Variants in RXRG observed in about 807,000 individuals in gnomAD.
RXRG encodes the protein retinoid X receptor gamma.
RXRG carries 19 observed loss-of-function variants against 49.2 expected under a neutral mutation model. That is an observed-to-expected ratio of 0.39 (90% CI 0.27 to 0.57). The LOEUF (loss-of-function observed/expected upper bound fraction) is 0.57. Ranked by LOEUF, RXRG falls within the 20% of genes least tolerant of loss-of-function variation. RXRG has a pLI of 0.64. For missense variants in RXRG, 452 were observed against 592.5 expected (o/e 0.76, Z 2.46); for synonymous variants, 224 against 216.6 (o/e 1.03, Z -0.30).
intron 1 of RXRG, among the ~76,000 whole-genome samples, chr1:165,441,006 G>A (rs1319370373): frequency 2.0e-5 from 3 of 152,184 alleles, no homozygotes; most frequent in Non-Finnish European, 2.9e-5. Context: ...CCCATGATAG[G>A]TTCCAATTAG....
At chr1:165,411,230 T>C (rs1657937356) in intron 4 of RXRG, 121 bp from the exon 5 acceptor site, 4 of 1,007,354 alleles carry the variant, frequency 4.0e-6, no homozygotes, top group East Asian at 5.1e-5. Context: ...TGATCCTGAA[T>C]TGGGGATGTT....
chr1:165,412,014 A>G (rs1275749083), intron 4 of RXRG, among the ~76,000 whole-genome samples: 1 of 152,196 alleles, frequency 6.6e-6, no homozygotes, highest in Non-Finnish European at 1.5e-5. Context: ...TTATCCTTTA[A>G]GCAGGTGACT....
At chr1:165,409,773 T>C (rs1657882949) in intron 6 of RXRG, 83 bp from the exon 7 acceptor site, 1 of 1,236,056 alleles carries the variant, frequency 8.1e-7, no homozygotes, top group Non-Finnish European at 1.0e-6. Flanking sequence ...TGTACTATTA[T>C]CCCACATAAC....
chr1:165,409,492 TAC>T (rs55949511), intron 7 of RXRG, 64 bp downstream of exon 7: 570,030 of 1,213,996 alleles, frequency 0.47, 97,768 homozygotes, highest in Non-Finnish European at 0.49. Context: ...CACATGTGTA[TAC>T]ACACACACAC....
In RXRG at chr1:165,406,853, A is replaced by G; in HGVS notation, c.1203T>C (p.Leu401=). The change falls in exon 9 of 10, where the codon CTT becomes CTC. Residue 401 remains leucine, a synonymous_variant. Transcript: ENST00000359842. Reference sequence around the variant, plus strand: ...GATACTTCTGCTTGGTGTAGGCCTCAAGGGTGGCATAAACCTTCTCTCGCA... The same window carrying G: ...GATACTTCTGCTTGGTGTAGGCCTCGAGGGTGGCATAAACCTTCTCTCGCA... ...ETLREKVYAT[L]EAYTKQKYPE... 6.2e-7 allele frequency: 1 copy of G among 1,613,872 alleles called. No individual in the cohort carries two copies.
chr1:165,441,842 G>T (rs930735457), intron 1 of RXRG, among the ~76,000 whole-genome samples: 1 of 152,174 alleles, frequency 6.6e-6, no homozygotes. Flanking sequence ...CAGAGAAGGA[G>T]AAGAGAAGGT....
chr1:165,434,586 G>C lies in RXRG; in HGVS notation c.50-5620C>G, dbSNP rs3767359. ...AACTTGTAATGAATCATTGATAACGGCTAATGCCCACCCATGGGGAAAGGG... is the reference window on the plus strand; with the variant it reads ...AACTTGTAATGAATCATTGATAACGCCTAATGCCCACCCATGGGGAAAGGG... On this transcript the variant is annotated intron_variant, in intron 1 of 9. Coordinates refer to ENST00000359842, the MANE Select transcript of RXRG (RefSeq NM_006917.5). 1.6e-4 allele frequency among the ~76,000 whole-genome samples: 25 copies of C among 152,280 alleles called. No individual in the cohort carries two copies. In the East Asian group the frequency reaches 4.8e-3, roughly 29 times the overall value.
chr1:165,424,221 G>A (rs1035933486), intron 2 of RXRG, among the ~76,000 whole-genome samples: 1 of 152,198 alleles, frequency 6.6e-6, no homozygotes, highest in Non-Finnish European at 1.5e-5. Flanking sequence ...ACTCCACTTA[G>A]ATGCTCCCCA....
intron 4 of RXRG, among the ~76,000 whole-genome samples, chr1:165,413,517 T>C (rs1658021179): frequency 6.6e-6 from 1 of 152,068 alleles, no homozygotes; most frequent in Admixed American, 6.6e-5. Flanking sequence ...GCACCCACAA[T>C]GGCTCCTCCT....
At chr1:165,439,333 G>A (rs1315242865) in intron 1 of RXRG, among the ~76,000 whole-genome samples, 1 of 151,664 alleles carries the variant, frequency 6.6e-6, no homozygotes, top group African/African-American at 2.4e-5. Flanking sequence ...AGGGAGAGAG[G>A]CAGGGATGCC....
intron 2 of RXRG, among the ~76,000 whole-genome samples, chr1:165,427,671 T>C (rs1327560061): frequency 6.6e-6 from 1 of 152,196 alleles, no homozygotes; most frequent in East Asian, 1.9e-4. Context: ...CTCCATCTCC[T>C]GATCTCATGA....
intron 2 of RXRG, chr1:165,424,915 C>A (rs973137250): frequency 5.1e-5 from 50 of 985,416 alleles, no homozygotes; most frequent in Middle Eastern, 5.2e-4. Flanking sequence ...TCTCGTTAAC[C>A]GAGCAAAGCA....
At chr1:165,420,707 A>G (rs546426930) in intron 2 of RXRG, among the ~76,000 whole-genome samples, 1 of 152,348 alleles carries the variant, frequency 6.6e-6, no homozygotes, top group African/African-American at 2.4e-5. Context: ...GCTCTTGGTA[A>G]GATTCCTCAG....
intron 2 of RXRG, among the ~76,000 whole-genome samples, chr1:165,427,466 G>T (rs1189598723): frequency 6.6e-6 from 1 of 151,976 alleles, no homozygotes; most frequent in African/African-American, 2.4e-5. Context: ...ACGGAGTCTC[G>T]CTCTGTTGCC....
chr1:165,436,503 G>A (rs1330375923), intron 1 of RXRG, among the ~76,000 whole-genome samples: 2 of 152,354 alleles, frequency 1.3e-5, no homozygotes, highest in South Asian at 4.1e-4. Context: ...AATTTGGTAT[G>A]TACCTTTTTC....
chr1:165,408,205 C>T (rs770902044), intron 8 of RXRG, 22 bp downstream of exon 8: 3 of 1,585,800 alleles, frequency 1.9e-6, no homozygotes, highest in Admixed American at 3.3e-5. Context: ...ACACACATCC[C>T]CTGGGGTTGA....
Position 165,401,355 on chromosome 1 carries a change from G to C in RXRG, c.1300C>G (p.Leu434Val). Residue 434 changes from leucine (L) to valine (V), a missense_variant, in exon 10 of 10, where the codon CTG becomes GTG. By Grantham distance (32) the Leu-to-Val change is conservative. Around this residue, in one of 2 missense-constraint regions of RXRG, gnomAD observed 286 missense variants for 440.9 expected, o/e 0.65. Transcript: ENST00000359842. ...PALRSIGLKC[L>V]EHLFFFKLIG... ...AGCTTGAAGAAGAAGAGGTGCTCCA[G>C]GCATTTCAAGCCAATGGAACGCAGA... The C allele has an allele frequency of 6.2e-7, 1 of 1,614,200 alleles. No individual in the cohort carries two copies.
chr1:165,443,450 C>T (rs774464545), intron 1 of RXRG, among the ~76,000 whole-genome samples: 4 of 152,254 alleles, frequency 2.6e-5, no homozygotes, highest in East Asian at 1.9e-4. Flanking sequence ...CATTGGCCAC[C>T]GCTCTCACTC....
rs1658582252 is a variant in RXRG, at chr1:165,428,952, T to C, written c.64A>G (p.Thr22Ala). 2 of 1,613,108 alleles carry C rather than the reference T, an allele frequency of 1.2e-6. No homozygotes were observed. Among genetic ancestry groups the C allele is most frequent in the Non-Finnish European group, 1.7e-6 (2 of 1,179,786 alleles). The change falls in exon 2 of 10, where the codon ACT becomes GCT. Residue 22 changes from threonine (T) to alanine (A), a missense_variant. By Grantham distance (58) the Thr-to-Ala change is moderately conservative. Around this residue, in one of 2 missense-constraint regions of RXRG, gnomAD observed 166 missense variants for 151.7 expected, o/e 1.09. Coordinates refer to ENST00000359842, the MANE Select transcript of RXRG (RefSeq NM_006917.5). Reference sequence around the variant, plus strand: ...GATGGGCTCATGGATGTAGAGCCAGTGTGGCCAGGGGAGCCTGTAAGAAGA... The same window carrying C: ...GATGGGCTCATGGATGTAGAGCCAGCGTGGCCAGGGGAGCCTGTAAGAAGA... ...PAGYGGSPGH[T>A]GSTSMSPSAA...
Sources: gnomAD v4.1 joint callset for allele counts (sites outside exome capture counted in the v4.1 genomes callset) on GRCh38, gnomAD v4.1.1 for gene constraint, gnomAD v4.1.1 regional missense constraint, MANE v1.5 for transcripts, NCBI Gene and HGNC (gene_info 2026-07-23, HGNC 2026-07-21) for gene names.